GALNT13: variants seen among roughly 807,000 people sequenced by gnomAD.
GALNT13 encodes the protein UDP-GalNAc:polypeptide N-acetylgalactosaminyltransferase 13.
Under a neutral mutation model 64.2 loss-of-function variants are expected in GALNT13, and 28 were observed. The observed-to-expected ratio is 0.44, with a 90% CI of 0.32 to 0.60. The LOEUF is 0.60. Ranked by LOEUF, GALNT13 falls within the 20% of genes least tolerant of loss-of-function variation. The pLI is 0.05. For synonymous variants in GALNT13, 214 were observed against 224.6 expected (o/e 0.95, Z 0.42); for missense variants, 577 against 669.8 (o/e 0.86, Z 1.53).
At chr2:153,305,418 A>C in the GALNT13 span, among the ~76,000 whole-genome samples, 1 of 152,170 alleles carries the variant, frequency 6.6e-6, no homozygotes, top group Non-Finnish European at 1.5e-5. Context: ...ACACTGTGCT[A>C]TTGGAGGTGG....
At chr2:153,669,906 C>A in the GALNT13 span, among the ~76,000 whole-genome samples, 11 of 149,406 alleles carry the variant, frequency 7.4e-5, no homozygotes, top group African/African-American at 2.2e-4. Flanking sequence ...ATGCATGGAG[C>A]CTTGCTCACT....
At chr2:154,320,698 A>G (rs975888000) in intron 9 of GALNT13, among the ~76,000 whole-genome samples, 33 of 152,124 alleles carry the variant, frequency 2.2e-4, no homozygotes, top group Non-Finnish European at 4.1e-4. Flanking sequence ...CTTCTTAATC[A>G]TCTTTCAGGG....
the GALNT13 span, among the ~76,000 whole-genome samples, chr2:153,486,179 A>G: frequency 6.6e-6 from 1 of 152,024 alleles, no homozygotes; most frequent in African/African-American, 2.4e-5. Context: ...CTTGTGATCC[A>G]CCTGCCTCGG....
the GALNT13 span, among the ~76,000 whole-genome samples, chr2:153,082,618 T>C: frequency 0.033 from 1,000 of 30,008 alleles, 17 homozygotes; most frequent in African/African-American, 0.043. Context: ...TATATATATA[T>C]ACACACACAC....
At chr2:153,111,073 G>A in the GALNT13 span, among the ~76,000 whole-genome samples, 1 of 152,004 alleles carries the variant, frequency 6.6e-6, no homozygotes, top group Admixed American at 6.6e-5. Flanking sequence ...ATGTGAATCT[G>A]CTTCGTAAAT....
At chr2:153,684,210 A>T in the GALNT13 span, among the ~76,000 whole-genome samples, 3 of 151,762 alleles carry the variant, frequency 2.0e-5, no homozygotes, top group East Asian at 5.8e-4. Context: ...TTAGTAGAAG[A>T]GTGAAATTTG....
At chr2:153,648,298 A>G in the GALNT13 span, among the ~76,000 whole-genome samples, 2 of 152,072 alleles carry the variant, frequency 1.3e-5, no homozygotes, top group South Asian at 4.1e-4. Context: ...AATGCTTGTG[A>G]TTTTTGCACA....
chr2:153,907,088 G>C (rs1037699114), intron 2 of GALNT13, among the ~76,000 whole-genome samples: 1 of 151,860 alleles, frequency 6.6e-6, no homozygotes, highest in South Asian at 2.1e-4. Flanking sequence ...GTTTTTGATG[G>C]GGTTGTTTGT....
chr2:154,256,168 A>G (rs1242197494), intron 7 of GALNT13, among the ~76,000 whole-genome samples: 2 of 152,194 alleles, frequency 1.3e-5, no homozygotes, highest in African/African-American at 4.8e-5. Flanking sequence ...TCCTATAACC[A>G]GTTAACCACA....
chr2:154,360,445 G>T (rs57456870), intron 9 of GALNT13, among the ~76,000 whole-genome samples: 1 of 151,810 alleles, frequency 6.6e-6, no homozygotes, highest in Non-Finnish European at 1.5e-5. Context: ...TTTGAGTTTC[G>T]GAAAAACTAT....
chr2:153,117,065 C>T, the GALNT13 span, among the ~76,000 whole-genome samples: 1 of 151,916 alleles, frequency 6.6e-6, no homozygotes, highest in Non-Finnish European at 1.5e-5. Flanking sequence ...TCCCAAAGTG[C>T]TGGGATTACA....
At chr2:154,041,561 A>C (rs1035050765) in intron 3 of GALNT13, among the ~76,000 whole-genome samples, 1 of 140,810 alleles carries the variant, frequency 7.1e-6, no homozygotes, top group African/African-American at 2.4e-5. Context: ...CAATTAATTT[A>C]CATAAATTAT....
chr2:153,616,138 AT>A, the GALNT13 span, among the ~76,000 whole-genome samples: 36 of 146,858 alleles, frequency 2.5e-4, no homozygotes, highest in Admixed American at 9.5e-4. Flanking sequence ...GTCTAGTTTC[AT>A]TTTTTTTTTC....
chr2:154,437,483 A>G, intron 11 of GALNT13: 1 of 1,197,698 alleles, frequency 8.3e-7, no homozygotes, highest in Non-Finnish European at 1.1e-6. Flanking sequence ...CATTGCAAGG[A>G]GAAAGAAAAA....
At chr2:154,396,271 A>C in intron 10 of GALNT13, 141 bp downstream of exon 10, 1 of 466,836 alleles carries the variant, frequency 2.1e-6, no homozygotes, top group Non-Finnish European at 3.6e-6. Context: ...CTCATATTTC[A>C]AGGACCATGA....
At chr2:153,403,463 G>A in the GALNT13 span, among the ~76,000 whole-genome samples, 1 of 152,162 alleles carries the variant, frequency 6.6e-6, no homozygotes, top group Non-Finnish European at 1.5e-5. Context: ...CACCCAGTTC[G>A]AGCTTCCTGG....
intron 8 of GALNT13, 27 bp downstream of exon 8, chr2:154,259,165 A>C: frequency 8.1e-7 from 1 of 1,227,948 alleles, no homozygotes; most frequent in Non-Finnish European, 1.2e-6. Flanking sequence ...TTATTTTTTG[A>C]TGCTGAACAT....
At chr2:153,873,811 T>C (rs1239767055) in intron 1 of GALNT13, among the ~76,000 whole-genome samples, 1 of 152,074 alleles carries the variant, frequency 6.6e-6, no homozygotes, top group Non-Finnish European at 1.5e-5. Flanking sequence ...AGAGTCTCAG[T>C]CCGTCTCTCT....
chr2:153,479,144 T>C, the GALNT13 span, among the ~76,000 whole-genome samples: 1 of 152,186 alleles, frequency 6.6e-6, no homozygotes. Flanking sequence ...GCGTGTCCTT[T>C]GCCTGCTGCC....
Sources: gnomAD v4.1 joint callset for allele counts (sites outside exome capture counted in the v4.1 genomes callset) on GRCh38, gnomAD v4.1.1 for gene constraint, MANE v1.5 for transcripts, NCBI Gene and HGNC (gene_info 2026-07-23, HGNC 2026-07-21) for gene names.